PTGFR: variants seen among roughly 807,000 people sequenced by gnomAD.
PTGFR encodes the protein prostaglandin F receptor.
A neutral mutation model predicts 26.2 loss-of-function variants in PTGFR; 15 were observed. That is an observed-to-expected ratio of 0.57 (90% confidence interval 0.38 to 0.88). The LOEUF (loss-of-function observed/expected upper bound fraction) is 0.88. Ranked by LOEUF, PTGFR falls within the 40% of genes least tolerant of loss-of-function variation. The pLI is 0.00. For synonymous variants in PTGFR, 165 were observed against 151.1 expected, an observed-to-expected ratio of 1.09 and a Z score of -0.68; for missense variants, 369 against 427.2, an observed-to-expected ratio of 0.86 and a Z score of 1.20.
In PTGFR at chr1:78,539,776, A is replaced by T. The variant is rs1650750489; in HGVS notation, c.*3089A>T. Reference sequence around the variant, plus strand: ...TTCAAGAGTGATTATTTTTAGAAGGACCATATAAAACTTGAAACGCTTGAA... The same window carrying T: ...TTCAAGAGTGATTATTTTTAGAAGGTCCATATAAAACTTGAAACGCTTGAA... On this transcript the variant is annotated 3_prime_UTR_variant, in exon 3 of 3. Transcript: ENST00000370757. 6.6e-6 allele frequency: 1 copy of T among 152,490 alleles called. No individual in the cohort carries two copies. The highest frequency in any genetic ancestry group is 2.1e-4 in the South Asian group (1 of 4,820). The allele number at this position is 152,490 out of a possible 1,614,324, so 9.4% of individuals were successfully genotyped here.
At chr1:78,505,469 T>C (rs1010596668) in intron 2 of PTGFR, among the ~76,000 whole-genome samples, 2 of 152,214 alleles carry the variant, frequency 1.3e-5, no homozygotes, top group Non-Finnish European at 2.9e-5. Flanking sequence ...ATATAATCAT[T>C]ACTTTCTTTT....
Position 78,520,251 on chromosome 1 carries a change from C to T in PTGFR, c.799-16155C>T, listed in dbSNP as rs190962989. Among the ~76,000 whole-genome samples, 438 of 152,158 alleles carry T rather than the reference C, an allele frequency of 2.9e-3. 2 individuals are homozygous for T. The highest frequency in any genetic ancestry group is 4.7e-3 in the Non-Finnish European group (320 of 67,998). On this transcript the variant is annotated intron_variant, in intron 2 of 2. Coordinates refer to ENST00000370757, the MANE Select transcript of PTGFR (RefSeq NM_000959.4). ...CTTTATGAAACAATTTACTCGAATA[C>T]AAATATATACTTGTTGATCATATAT...
intron 2 of PTGFR, among the ~76,000 whole-genome samples, chr1:78,506,907 C>G (rs926556170): frequency 1.2e-4 from 18 of 152,092 alleles, no homozygotes; most frequent in African/African-American, 4.3e-4. Flanking sequence ...TAGGGAGACT[C>G]CGCATTCTAT....
intron 2 of PTGFR, among the ~76,000 whole-genome samples, chr1:78,499,955 G>A (rs1485525110): frequency 6.6e-6 from 1 of 152,156 alleles, no homozygotes; most frequent in Non-Finnish European, 1.5e-5. Flanking sequence ...TGAATGGGAA[G>A]TATCAAAGGC....
intron 2 of PTGFR, among the ~76,000 whole-genome samples, chr1:78,497,420 C>G (rs555284229): frequency 2.0e-5 from 3 of 152,116 alleles, no homozygotes; most frequent in African/African-American, 7.2e-5. Context: ...AGATGAATCA[C>G]TTTTCCTTAA....
intron 2 of PTGFR, among the ~76,000 whole-genome samples, chr1:78,518,040 A>G (rs1032328964): frequency 6.6e-6 from 1 of 152,162 alleles, no homozygotes; most frequent in African/African-American, 2.4e-5. Flanking sequence ...TGACAGATTG[A>G]TAGGTGCAGC....
chr1:78,507,819 G>A (rs2100365726), intron 2 of PTGFR, among the ~76,000 whole-genome samples: 1 of 152,270 alleles, frequency 6.6e-6, no homozygotes, highest in East Asian at 1.9e-4. Context: ...TGAAGAATAA[G>A]GATGAGGCTT....
chr1:78,536,130 A>T (rs549058582), intron 2 of PTGFR, among the ~76,000 whole-genome samples: 2 of 152,274 alleles, frequency 1.3e-5, no homozygotes, highest in East Asian at 3.9e-4. Flanking sequence ...AGTTACTGGT[A>T]TCAGTGTTTG....
rs190484907 is a variant in PTGFR, at chr1:78,501,248, G to A, written c.798+7707G>A. On this transcript the variant is annotated intron_variant, in intron 2 of 2. Coordinates refer to ENST00000370757, the MANE Select transcript of PTGFR (RefSeq NM_000959.4). ...TGTCCCAAAGCTCTTTGGGTTGCCA[G>A]TTTTAGCTTTATTTGCTTAAGACTT... Among the ~76,000 whole-genome samples, 702 of 152,272 alleles carry A rather than the reference G, an allele frequency of 4.6e-3. 2 individuals are homozygous for A. Among genetic ancestry groups the A allele is most frequent in the Middle Eastern group, 0.01 (3 of 294 alleles).
At chr1:78,502,600 A>G (rs1210287517) in intron 2 of PTGFR, among the ~76,000 whole-genome samples, 2 of 152,164 alleles carry the variant, frequency 1.3e-5, no homozygotes, top group African/African-American at 2.4e-5. Context: ...CTATTAAATA[A>G]TAATGTTGCC....
At chr1:78,519,655 G>A (rs1455339764) in intron 2 of PTGFR, among the ~76,000 whole-genome samples, 1 of 152,128 alleles carries the variant, frequency 6.6e-6, no homozygotes, top group Non-Finnish European at 1.5e-5. Context: ...GTTTATTTGG[G>A]GAGGCATGAA....
rs529636755 is a variant in PTGFR at position 78,493,638 on chromosome 1, C to T, written c.798+97C>T. ...CAGTCTTTTAAATGCTGAGAATGAT[C>T]CCTACTCAAAATTTATTTCAGCACT... On this transcript the variant is annotated intron_variant, in intron 2 of 2. Coordinates refer to ENST00000370757, the MANE Select transcript of PTGFR (RefSeq NM_000959.4). 1.0e-3 allele frequency: 1,247 copies of T among 1,211,894 alleles called. 3 individuals are homozygous for T. Among genetic ancestry groups the T allele is most frequent in the Middle Eastern group, 4.4e-3 (22 of 5,024 alleles). The allele number at this position is 1,211,894 out of a possible 1,614,324, so 75.1% of individuals were successfully genotyped here. A position where few individuals can be genotyped will look rare whatever the true frequency, so the allele number is the denominator to read the frequency against.
In PTGFR at chr1:78,537,669, C is replaced by T. The variant is rs777947202; in HGVS notation, c.*982C>T. On this transcript the variant is annotated 3_prime_UTR_variant, in exon 3 of 3. Coordinates refer to ENST00000370757, the MANE Select transcript of PTGFR (RefSeq NM_000959.4). ...AGCTAGTGTGTTTCTTCTTTACACACATATACACACAGACATCAGAAAATT... is the reference window on the plus strand; with the variant it reads ...AGCTAGTGTGTTTCTTCTTTACACATATATACACACAGACATCAGAAAATT... The T allele has an allele frequency of 2.6e-5, 4 of 152,114 alleles. No homozygotes were observed. The highest frequency in any genetic ancestry group is 5.9e-5 in the Non-Finnish European group (4 of 68,014). 9.4% of individuals were successfully genotyped at this position (152,114 alleles called of 1,614,324 possible). A position where few individuals can be genotyped will look rare whatever the true frequency, so the allele number is the denominator to read the frequency against.
intron 2 of PTGFR, among the ~76,000 whole-genome samples, chr1:78,495,501 G>T (rs1649525665): frequency 6.6e-6 from 1 of 151,078 alleles, no homozygotes; most frequent in Non-Finnish European, 1.5e-5. Flanking sequence ...GAGAAAAGAA[G>T]TGGCTAAAAA....
At chr1:78,492,611 G>A (rs140997273) in intron 1 of PTGFR, 61 bp from the exon 2 acceptor site, 3 of 884,188 alleles carry the variant, frequency 3.4e-6, no homozygotes, top group Non-Finnish European at 5.0e-6. Flanking sequence ...GGGCACGTCA[G>A]TCATAAACGT....
intron 2 of PTGFR, among the ~76,000 whole-genome samples, chr1:78,504,997 G>C (rs1238186228): frequency 6.6e-6 from 1 of 151,690 alleles, no homozygotes; most frequent in Non-Finnish European, 1.5e-5. Flanking sequence ...AATATAGAGT[G>C]TTTCTTATCT....
chr1:78,491,311 CT>C (rs1482180149), intron 1 of PTGFR, 75 bp downstream of exon 1: 5 of 152,578 alleles, frequency 3.3e-5, no homozygotes, highest in Admixed American at 1.3e-4. Flanking sequence ...AACTCACCCC[CT>C]GAGACACCCA....
chr1:78,517,880 C>T lies in PTGFR; in HGVS notation c.799-18526C>T, dbSNP rs114717588. ...CAGAATATAGCAGAAAGTTTTATTT[C>T]GGAAATTTTTTTTGTTAGAAATTTC... On this transcript the variant is annotated intron_variant, in intron 2 of 2. Transcript: ENST00000370757. 7.1e-3 allele frequency among the ~76,000 whole-genome samples: 1,087 copies of T among 152,102 alleles called. 14 individuals are homozygous for T. Among genetic ancestry groups the T allele is most frequent in the African/African-American group, 0.025 (1,022 of 41,526 alleles).
At chr1:78,503,560 G>T (rs149624857) in intron 2 of PTGFR, among the ~76,000 whole-genome samples, 3 of 152,176 alleles carry the variant, frequency 2.0e-5, no homozygotes, top group Admixed American at 6.5e-5. Context: ...GGAGGGTAAA[G>T]GATAGAGACA....
Sources: gnomAD v4.1 joint callset for allele counts (sites outside exome capture counted in the v4.1 genomes callset) on GRCh38, gnomAD v4.1.1 for gene constraint, MANE v1.5 for transcripts, NCBI Gene and HGNC (gene_info 2026-07-23, HGNC 2026-07-21) for gene names.